Variants in BST1 observed in about 807,000 individuals in gnomAD.
BST1 encodes bone marrow stromal cell antigen 1.
In BST1, 49 loss-of-function variants were observed where a neutral mutation model predicts 40.6. That is an observed-to-expected ratio of 1.21 (90% CI 0.96 to 1.53). The LOEUF is 1.53. BST1 is among the 40% of genes most tolerant of loss of function. The pLI is 0.00. For missense variants in BST1, 423 were observed against 395.9 expected, an observed-to-expected ratio of 1.07 and a Z score of -0.58; for synonymous variants, 157 against 159.3, an observed-to-expected ratio of 0.99 and a Z score of 0.11.
At chr4:15,772,803 A>G in the BST1 span, among the ~76,000 whole-genome samples, 1 of 152,222 alleles carries the variant, frequency 6.6e-6, no homozygotes, top group Non-Finnish European at 1.5e-5. Context: ...GGCATCTGTG[A>G]AGTCCCAGAG....
chr4:15,770,078 G>A, the BST1 span, among the ~76,000 whole-genome samples: 1 of 152,164 alleles, frequency 6.6e-6, no homozygotes, highest in Non-Finnish European at 1.5e-5. Flanking sequence ...GACCTCAAGT[G>A]ATCCGCCCAC....
chr4:15,729,608 G>A (rs1233503300), intron 8 of BST1, among the ~76,000 whole-genome samples: 1 of 152,110 alleles, frequency 6.6e-6, no homozygotes, highest in Non-Finnish European at 1.5e-5. Context: ...TTAAATAAAA[G>A]GGCATGGGAA....
the BST1 span, among the ~76,000 whole-genome samples, chr4:15,746,970 G>A: frequency 6.6e-6 from 1 of 152,308 alleles, no homozygotes; most frequent in Admixed American, 6.5e-5. Flanking sequence ...CAGAAGATCT[G>A]AGTATTCCAT....
chr4:15,734,647 C>G (rs995662635), downstream of BST1, among the ~76,000 whole-genome samples: 3 of 152,044 alleles, frequency 2.0e-5, no homozygotes, highest in African/African-American at 7.3e-5. Flanking sequence ...GGTCTGGCAT[C>G]TAATTGTGTG....
At chr4:15,725,118 A>G (rs1484047613) in intron 8 of BST1, among the ~76,000 whole-genome samples, 1 of 146,254 alleles carries the variant, frequency 6.8e-6, no homozygotes, top group African/African-American at 2.6e-5. Flanking sequence ...TTTAGACAGA[A>G]GCCAGATTTT....
At chr4:15,768,398 G>A in the BST1 span, among the ~76,000 whole-genome samples, 1 of 151,672 alleles carries the variant, frequency 6.6e-6, no homozygotes, top group Non-Finnish European at 1.5e-5. Context: ...CATGGAAGAA[G>A]AGAGTTTGAA....
At chr4:15,757,691 G>T in the BST1 span, among the ~76,000 whole-genome samples, 338 of 152,178 alleles carry the variant, frequency 2.2e-3, 1 homozygote, top group African/African-American at 7.8e-3. Context: ...GCCCAGGCTG[G>T]AGTGCAATGG....
At chr4:15,707,691 TAC>T (rs747273946) in intron 3 of BST1, 45 bp downstream of exon 3, 2 of 1,601,090 alleles carry the variant, frequency 1.2e-6, no homozygotes, top group African/African-American at 2.7e-5. Flanking sequence ...AACTCCTATT[TAC>T]TATGCATTAC....
chr4:15,711,949 T>C (rs1392830953), intron 4 of BST1, 60 bp downstream of exon 4: 8 of 1,465,950 alleles, frequency 5.5e-6, no homozygotes, highest in South Asian at 2.3e-5. Flanking sequence ...AGATGGAACA[T>C]AGTCATTCAG....
At chr4:15,714,082 A>T (rs1401728673) in intron 4 of BST1, among the ~76,000 whole-genome samples, 6 of 152,112 alleles carry the variant, frequency 3.9e-5, no homozygotes, top group African/African-American at 1.4e-4. Context: ...ACACATATAG[A>T]AAATATAAAT....
intron 8 of BST1, chr4:15,731,011 C>T (rs967012212): frequency 3.8e-5 from 23 of 605,302 alleles, no homozygotes; most frequent in Non-Finnish European, 5.1e-5. Context: ...ATATAAGGCC[C>T]GGACATTCTG....
intron 8 of BST1, among the ~76,000 whole-genome samples, chr4:15,724,284 C>A (rs959411287): frequency 6.6e-6 from 1 of 152,220 alleles, no homozygotes; most frequent in African/African-American, 2.4e-5. Flanking sequence ...AGGATCCGTT[C>A]TTCCATCTAC....
At chr4:15,708,506 G>A (rs888624864) in intron 3 of BST1, among the ~76,000 whole-genome samples, 1 of 152,132 alleles carries the variant, frequency 6.6e-6, no homozygotes, top group Non-Finnish European at 1.5e-5. Context: ...AGGGAGGCTA[G>A]CAAGGAAAGG....
rs939504504 is a variant in BST1 at position 15,705,632 on chromosome 4, C to T, written c.306C>T (p.Pro102=). ...TTAACTTGTCCAGGCACTCTATTCC[C>T]AGAGATAAGGTAACACCACAACCAT... ...LFINLSRHSI[P]RDKSLFWENS... Residue 102 remains proline (P), a synonymous_variant, in exon 2 of 9, where the codon CCC becomes CCT. Coordinates refer to ENST00000265016, the MANE Select transcript of BST1 (RefSeq NM_004334.3). The T allele has an allele frequency of 3.1e-6, 5 of 1,613,910 alleles. No homozygotes were observed. The African/African-American group carries it at 6.7e-5, about 22-fold the overall frequency.
chr4:15,760,212 C>T, the BST1 span, among the ~76,000 whole-genome samples: 4 of 151,842 alleles, frequency 2.6e-5, no homozygotes, highest in South Asian at 8.3e-4. Flanking sequence ...GCTTCTTACA[C>T]TTGGCATGTT....
the BST1 span, among the ~76,000 whole-genome samples, chr4:15,759,229 C>T: frequency 6.6e-6 from 1 of 151,998 alleles, no homozygotes; most frequent in Non-Finnish European, 1.5e-5. Context: ...TACTGGTCCA[C>T]TATGGAGCCC....
the BST1 span, among the ~76,000 whole-genome samples, chr4:15,764,665 T>C: frequency 6.6e-6 from 1 of 151,978 alleles, no homozygotes; most frequent in East Asian, 1.9e-4. Context: ...CTATTTCTGG[T>C]GACGACACCC....
the BST1 span, among the ~76,000 whole-genome samples, chr4:15,763,539 G>T: frequency 6.6e-6 from 1 of 151,688 alleles, no homozygotes; most frequent in African/African-American, 2.4e-5. Context: ...TTTTTACGAA[G>T]GAATGTCTTT....
chr4:15,737,898 A>G, exon 7 of BST1: 2 of 1,035,400 alleles, frequency 1.9e-6, no homozygotes, highest in Non-Finnish European at 2.6e-6. Flanking sequence ...CTCTGGCAAG[A>G]GTTGAGTCAA....
Sources: gnomAD v4.1 joint callset for allele counts (sites outside exome capture counted in the v4.1 genomes callset) on GRCh38, gnomAD v4.1.1 for gene constraint, MANE v1.5 for transcripts, NCBI Gene and HGNC (gene_info 2026-07-23, HGNC 2026-07-21) for gene names.